The following MSRA variants were observed in gnomAD, a reference collection of about 807,000 sequenced individuals.
MSRA encodes mitochondrial peptide methionine sulfoxide reductase.
Under a neutral mutation model 31.3 loss-of-function variants are expected in MSRA, and 54 were observed. The observed-to-expected ratio is 1.73, with a 90% CI of 1.39 to 2.17. The LOEUF is 2.17. Among genes scored for constraint, MSRA ranks in the 30% most tolerant of loss-of-function variants. MSRA has a pLI of 0.00. For missense variants in MSRA, 507 were observed against 300.9 expected, an observed-to-expected ratio of 1.69 and a Z score of -5.07; for synonymous variants, 169 against 116.5, an observed-to-expected ratio of 1.45 and a Z score of -2.90.
At chr8:10,280,709 G>A (rs1585351668) in intron 3 of MSRA, among the ~76,000 whole-genome samples, 1 of 152,138 alleles carries the variant, frequency 6.6e-6, no homozygotes, top group Non-Finnish European at 1.5e-5. Context: ...CCATACAAAA[G>A]CCTGTACACA....
chr8:10,317,915 G>A lies in MSRA; in HGVS notation c.437-1968G>A, dbSNP rs573952627. On this transcript the variant is annotated intron_variant, in intron 4 of 5. Transcript: ENST00000317173. ...TTTCCACGCATCTCTGGTCCCCACC[G>A]TGACTTGTCAAGATACCTATGTGGT... Among the ~76,000 whole-genome samples the A allele has an allele frequency of 2.6e-5, 4 of 152,214 alleles. No individual in the cohort carries two copies. The South Asian group carries it at 6.2e-4, about 24-fold the overall frequency.
intron 1 of MSRA, among the ~76,000 whole-genome samples, chr8:10,110,513 A>T (rs117170915): frequency 6.6e-6 from 1 of 152,096 alleles, no homozygotes; most frequent in Non-Finnish European, 1.5e-5. Flanking sequence ...ACCGCTTCCT[A>T]TTTGTGTCAT....
intron 2 of MSRA, among the ~76,000 whole-genome samples, chr8:10,212,083 A>G (rs571314562): frequency 6.6e-6 from 1 of 152,078 alleles, no homozygotes; most frequent in Non-Finnish European, 1.5e-5. Flanking sequence ...GCTACTTGGG[A>G]GGCTGAGGCA....
At chr8:10,086,602 G>A (rs944781331) in intron 1 of MSRA, among the ~76,000 whole-genome samples, 5 of 152,182 alleles carry the variant, frequency 3.3e-5, no homozygotes, top group African/African-American at 1.2e-4. Context: ...CAAAGCTTAG[G>A]TGAGGAGTGA....
At chr8:10,353,405 G>A (rs1034823060) in intron 5 of MSRA, among the ~76,000 whole-genome samples, 5 of 152,226 alleles carry the variant, frequency 3.3e-5, no homozygotes, top group African/African-American at 1.2e-4. Flanking sequence ...CGTGTACGGA[G>A]GAGGGACCTG....
At chr8:10,318,827 C>T (rs1233133038) in intron 4 of MSRA, among the ~76,000 whole-genome samples, 4 of 152,154 alleles carry the variant, frequency 2.6e-5, no homozygotes. Flanking sequence ...CCATGCTCAT[C>T]CTCTTGAGAA....
chr8:10,268,638 A>T (rs1485727551), intron 3 of MSRA, among the ~76,000 whole-genome samples: 1 of 152,222 alleles, frequency 6.6e-6, no homozygotes, highest in Non-Finnish European at 1.5e-5. Context: ...CACCATAAAG[A>T]CTTTCTTAAA....
At chr8:10,057,722 C>G (rs1057290615) in intron 1 of MSRA, among the ~76,000 whole-genome samples, 1 of 152,172 alleles carries the variant, frequency 6.6e-6, no homozygotes, top group African/African-American at 2.4e-5. Flanking sequence ...CCCCTTTGCG[C>G]TCTCTCGTTC....
chr8:10,287,942 C>T (rs143613746), intron 3 of MSRA, among the ~76,000 whole-genome samples: 58 of 152,268 alleles, frequency 3.8e-4, no homozygotes, highest in Non-Finnish European at 6.0e-4. Flanking sequence ...CCCTCCTAGA[C>T]TGTGAGCTCT....
intron 3 of MSRA, among the ~76,000 whole-genome samples, chr8:10,291,971 C>G (rs1800261477): frequency 6.6e-6 from 1 of 152,186 alleles, no homozygotes; most frequent in Non-Finnish European, 1.5e-5. Flanking sequence ...GTGGAATCCT[C>G]AGTGCTCAGC....
At chr8:10,181,959 A>AT (rs757520269) in intron 1 of MSRA, among the ~76,000 whole-genome samples, 6 of 151,574 alleles carry the variant, frequency 4.0e-5, no homozygotes, top group African/African-American at 9.7e-5. Flanking sequence ...TTAAGTAAGA[A>AT]ATTTTTTTTT....
At chr8:10,243,978 T>G (rs1797473643) in intron 2 of MSRA, among the ~76,000 whole-genome samples, 1 of 152,244 alleles carries the variant, frequency 6.6e-6, no homozygotes, top group African/African-American at 2.4e-5. Context: ...ATAACTTTAT[T>G]CAAATTACTT....
chr8:10,391,414 C>T lies in MSRA; in HGVS notation c.544-36734C>T, dbSNP rs931835034. On this transcript the variant is annotated intron_variant, in intron 5 of 5. Transcript: ENST00000317173. ...AGGCACTGTGATGTGTATGAAATGT[C>T]TAGCACACTGTCTGGGACTTAGCAA... 2.0e-5 allele frequency among the ~76,000 whole-genome samples: 3 copies of T among 152,186 alleles called. No individual in the cohort carries two copies. The South Asian group carries it at 6.2e-4, about 31-fold the overall frequency.
intron 1 of MSRA, among the ~76,000 whole-genome samples, chr8:10,065,650 A>T (rs1797418787): frequency 6.6e-6 from 1 of 152,236 alleles, no homozygotes; most frequent in African/African-American, 2.4e-5. Flanking sequence ...TTTGTTCATT[A>T]ACAACCTGGC....
At chr8:10,292,185 C>T (rs1800272076) in intron 3 of MSRA, among the ~76,000 whole-genome samples, 1 of 152,182 alleles carries the variant, frequency 6.6e-6, no homozygotes, top group African/African-American at 2.4e-5. Flanking sequence ...GTCCAGTGTG[C>T]ATGTGGGATT....
At chr8:10,054,969 G>A (rs995270211) in intron 1 of MSRA, among the ~76,000 whole-genome samples, 2 of 152,218 alleles carry the variant, frequency 1.3e-5, no homozygotes, top group Non-Finnish European at 2.9e-5. Context: ...GGCAGGAAAT[G>A]TGCCGCTGGG....
intron 5 of MSRA, among the ~76,000 whole-genome samples, chr8:10,369,456 C>T (rs1332836586): frequency 2.0e-5 from 3 of 152,154 alleles, no homozygotes; most frequent in Non-Finnish European, 2.9e-5. Context: ...AAACAAAATG[C>T]CATCTACAGA....
intron 1 of MSRA, among the ~76,000 whole-genome samples, chr8:10,130,808 G>T (rs995580223): frequency 6.6e-6 from 1 of 152,170 alleles, no homozygotes; most frequent in Non-Finnish European, 1.5e-5. Context: ...AGCATTCTTA[G>T]AGGAGTCCAG....
chr8:10,110,256 C>T (rs1049742412), intron 1 of MSRA, among the ~76,000 whole-genome samples: 4 of 152,204 alleles, frequency 2.6e-5, no homozygotes, highest in Non-Finnish European at 1.5e-5. Context: ...ATGTTTTGTT[C>T]ATATAACTGG....
Sources: gnomAD v4.1 joint callset for allele counts (sites outside exome capture counted in the v4.1 genomes callset) on GRCh38, gnomAD v4.1.1 for gene constraint, MANE v1.5 for transcripts, NCBI Gene and HGNC (gene_info 2026-07-23, HGNC 2026-07-21) for gene names.